The following CIITA variants were observed in gnomAD, a reference collection of about 807,000 sequenced individuals.
The protein encoded by CIITA is class II major histocompatibility complex transactivator.
CIITA carries 72 observed loss-of-function variants against 115.1 expected under a neutral mutation model. The observed-to-expected ratio is 0.63, with a 90% CI of 0.52 to 0.76. The LOEUF (loss-of-function observed/expected upper bound fraction) is 0.76. Among genes scored for constraint, CIITA ranks in the 30% least tolerant of loss-of-function variants. CIITA has a pLI of 0.00. For missense variants in CIITA, 1,617 were observed against 1,463.8 expected, an observed-to-expected ratio of 1.10 and a Z score of -1.71; for synonymous variants, 763 against 635.6, an observed-to-expected ratio of 1.20 and a Z score of -3.02.
chr16:10,917,324 C>T (rs1055770432), intron 15 of CIITA, among the ~76,000 whole-genome samples: 3 of 152,138 alleles, frequency 2.0e-5, no homozygotes, highest in Non-Finnish European at 4.4e-5. Context: ...AGGTGCATGC[C>T]ACCACGTCCC....
At chr16:10,868,733 C>G (rs1319541505) in intron 1 of CIITA, among the ~76,000 whole-genome samples, 1 of 152,204 alleles carries the variant, frequency 6.6e-6, no homozygotes, top group Non-Finnish European at 1.5e-5. Context: ...CTCCCACCCC[C>G]TCTTTCCGAG....
chr16:10,899,384 C>T (rs781606530), intron 5 of CIITA, among the ~76,000 whole-genome samples: 1 of 138,662 alleles, frequency 7.2e-6, no homozygotes, highest in Admixed American at 7.3e-5. Context: ...TGGCTGACTC[C>T]TTTGAATCTT....
chr16:10,873,765 C>G (rs2035639253), upstream of CIITA, among the ~76,000 whole-genome samples: 1 of 152,152 alleles, frequency 6.6e-6, no homozygotes, highest in Non-Finnish European at 1.5e-5. Flanking sequence ...GATGGTTCTG[C>G]TGGGTGCTAG....
rs377196083 is a variant in CIITA, at chr16:10,933,343, G to C, written c.*9488G>C. 6 of 152,318 alleles carry C rather than the reference G, an allele frequency of 3.9e-5. No homozygotes were observed. Among genetic ancestry groups the C allele is most frequent in the Admixed American group, 3.3e-4 (5 of 15,280 alleles). 9.4% of individuals were successfully genotyped at this position (152,318 alleles called of 1,614,324 possible). On this transcript the variant is annotated 3_prime_UTR_variant, in exon 20 of 20. Transcript: ENST00000324288. ...GCTTAAGTAAGAAGATGGCCCTGGC[G>C]TTTTACGCGCACTGGTGGGTGAGGC...
Position 10,907,424 on chromosome 16 carries a change from G to A in CIITA, c.1932G>A (p.Leu644=), listed in dbSNP as rs1290071568. ...CGCTCACGGGACTCTATGTCGGCCT[G>A]CTGGGCCGTGCAGCCCTCGACAGCC... ...PSTLTGLYVG[L]LGRAALDSPP... The change falls in exon 11 of 20, where the codon CTG becomes CTA. Residue 644 remains leucine (L), a synonymous_variant. Transcript: ENST00000324288. The surrounding 1 kb of genome is among the most constrained non-coding windows in gnomAD (Gnocchi z 5.0). 2.5e-6 allele frequency: 4 copies of A among 1,613,160 alleles called. No individual in the cohort carries two copies. Among genetic ancestry groups the A allele is most frequent in the Non-Finnish European group, 3.4e-6 (4 of 1,179,878 alleles).
chr16:10,870,625 C>G (rs1442136374), intron 1 of CIITA, among the ~76,000 whole-genome samples: 1 of 152,258 alleles, frequency 6.6e-6, no homozygotes, highest in African/African-American at 2.4e-5. Context: ...GACAGCTGGA[C>G]AGCTCTGGAT....
chr16:10,867,121 G>A (rs1432020723), intron 1 of CIITA, among the ~76,000 whole-genome samples: 1 of 152,156 alleles, frequency 6.6e-6, no homozygotes, highest in Non-Finnish European at 1.5e-5. Context: ...GTGGGTGCCT[G>A]TAGTCCCAGC....
At chr16:10,894,984 T>C (rs941270152) in intron 1 of CIITA, among the ~76,000 whole-genome samples, 4 of 152,366 alleles carry the variant, frequency 2.6e-5, no homozygotes, top group Non-Finnish European at 5.9e-5. Context: ...TTACCACTCA[T>C]GGCATTGCCA....
chr16:10,909,357 A>G, intron 12 of CIITA, among the ~76,000 whole-genome samples, 170 bp downstream of exon 12: 1 of 152,250 alleles, frequency 6.6e-6, no homozygotes. Context: ...CTCGCTGCCC[A>G]GGCGGAGCCT....
Position 10,926,279 on chromosome 16 carries a change from G to T in CIITA, c.*2424G>T, listed in dbSNP as rs2040527618. ...GAACTGGCTGCAAAGGGTATCAGGTGCTGCCATCCAGGTTCAGCTTGTAAA... is the reference window on the plus strand; with the variant it reads ...GAACTGGCTGCAAAGGGTATCAGGTTCTGCCATCCAGGTTCAGCTTGTAAA... On this transcript the variant is annotated 3_prime_UTR_variant, in exon 20 of 20. Coordinates refer to ENST00000324288, the MANE Select transcript of CIITA (RefSeq NM_000246.4). 6.6e-6 allele frequency: 1 copy of T among 152,256 alleles called. No individual in the cohort carries two copies. Among genetic ancestry groups the T allele is most frequent in the Non-Finnish European group, 1.5e-5 (1 of 68,058 alleles). The allele number at this position is 152,256 out of a possible 1,614,324, so 9.4% of individuals were successfully genotyped here.
In CIITA at chr16:10,928,671, T is replaced by A. The variant is rs1195690540; in HGVS notation, c.*4816T>A. On this transcript the variant is annotated 3_prime_UTR_variant, in exon 20 of 20. Coordinates refer to ENST00000324288, the MANE Select transcript of CIITA (RefSeq NM_000246.4). ...CCCCCACTTCTATGGGATTCAGGCC[T>A]GGTTTCCAGCTTGGCCTTCAGGCTT... 2 of 152,296 alleles carry A rather than the reference T, an allele frequency of 1.3e-5. No individual in the cohort carries two copies. The highest frequency in any genetic ancestry group is 3.9e-4 in the East Asian group (2 of 5,190). 9.4% of individuals were successfully genotyped at this position (152,296 alleles called of 1,614,324 possible).
chr16:10,932,963 C>T lies in CIITA; in HGVS notation c.*9108C>T, dbSNP rs1399731170. On this transcript the variant is annotated 3_prime_UTR_variant, in exon 20 of 20. Coordinates refer to ENST00000324288, the MANE Select transcript of CIITA (RefSeq NM_000246.4). ...TGTGTTGGGCCACAGTCAAAGCCGT[C>T]CTGAGCTGTATGCAGCCTACAGGCC... 6.6e-6 allele frequency: 1 copy of T among 152,176 alleles called. No homozygotes were observed. The allele number at this position is 152,176 out of a possible 1,614,324, so 9.4% of individuals were successfully genotyped here. A position where few individuals can be genotyped will look rare whatever the true frequency, so the allele number is the denominator to read the frequency against.
In CIITA at chr16:10,907,465, C is replaced by G. The variant is rs2229319; in HGVS notation, c.1973C>G (p.Ala658Gly). The G allele has an allele frequency of 1.6e-3, 2,625 of 1,613,500 alleles. 48 individuals carry two copies. The African/African-American group carries it at 0.03, about 19-fold the overall frequency. ...AALDSPPGAL[A>G]ELAKLAWELG... Reference sequence around the variant, plus strand: ...CTCGACAGCCCCCCCGGGGCCCTGGCAGAGCTGGCCAAGCTGGCCTGGGAG... The same window carrying G: ...CTCGACAGCCCCCCCGGGGCCCTGGGAGAGCTGGCCAAGCTGGCCTGGGAG... The change falls in exon 11 of 20, where the codon GCA (alanine) becomes GGA (glycine). Residue 658 changes from alanine to glycine, a missense_variant. Ala to Gly is a moderately conservative substitution (Grantham distance 60). Coordinates refer to ENST00000324288, the MANE Select transcript of CIITA (RefSeq NM_000246.4). This position sits in a 1 kb window ranked among gnomAD's most constrained non-coding sequence, Gnocchi z 5.0.
Position 10,941,645 on chromosome 16 carries a change from G to T in CIITA, n.771G>T. On this transcript the variant is annotated non_coding_transcript_exon_variant, in exon 2 of 2. Transcript: ENST00000573379. This position sits in a 1 kb window ranked among gnomAD's most constrained non-coding sequence, Gnocchi z 6.4. ...ATGGTGCCCCCAACCAGCTGCGGCGGCATGATCTGGGCGGCTGGTCCAGGG... is the reference window on the plus strand; with the variant it reads ...ATGGTGCCCCCAACCAGCTGCGGCGTCATGATCTGGGCGGCTGGTCCAGGG... 2 of 1,530,932 alleles carry T rather than the reference G, an allele frequency of 1.3e-6. No homozygotes were observed. Among genetic ancestry groups the T allele is most frequent in the South Asian group, 2.6e-5 (2 of 77,594 alleles). 94.8% of individuals were successfully genotyped at this position (1,530,932 alleles called of 1,614,324 possible). A position where few individuals can be genotyped will look rare whatever the true frequency, so the allele number is the denominator to read the frequency against.
chr16:10,895,796 A>C, intron 3 of CIITA, 32 bp downstream of exon 3: 1 of 1,604,900 alleles, frequency 6.2e-7, no homozygotes, highest in Non-Finnish European at 8.5e-7. Flanking sequence ...GAAAAGGACA[A>C]TCAAGGGCAA....
chr16:10,938,168 A>C (rs923910094), downstream of CIITA: 3 of 152,178 alleles, frequency 2.0e-5, no homozygotes, highest in African/African-American at 4.8e-5. This position sits in a 1 kb window ranked among gnomAD's most constrained non-coding sequence, Gnocchi z 4.9. Flanking sequence ...TAATCCTCAC[A>C]ACAAGGGAGA....
intron 5 of CIITA, among the ~76,000 whole-genome samples, chr16:10,900,543 C>T (rs1010638138): frequency 1.1e-4 from 16 of 151,870 alleles, no homozygotes; most frequent in Admixed American, 7.9e-4. Context: ...AGTTTGAGAC[C>T]AGCCTGGCCA....
chr16:10,910,131 G>T, intron 12 of CIITA, 57 bp from the exon 13 acceptor site: 1 of 1,495,228 alleles, frequency 6.7e-7, no homozygotes, highest in South Asian at 1.1e-5. Context: ...GGGACCCATG[G>T]GTAAGGGCTC....
Position 10,901,592 on chromosome 16 carries a change from G to C in CIITA, c.481+34G>C. Reference sequence around the variant, plus strand: ...GGCAGGTGGGCTGGGGTTGGGAAGGGTGGATGCCTTGGGGAGGGGATGGAA... The same window carrying C: ...GGCAGGTGGGCTGGGGTTGGGAAGGCTGGATGCCTTGGGGAGGGGATGGAA... On this transcript the variant is annotated intron_variant, in intron 6 of 19. Transcript: ENST00000324288. This position sits in a 1 kb window ranked among gnomAD's most constrained non-coding sequence, Gnocchi z 6.8. 1 of 1,610,226 alleles carries C rather than the reference G, an allele frequency of 6.2e-7. No individual in the cohort carries two copies. The highest frequency in any genetic ancestry group is 8.5e-7 in the Non-Finnish European group (1 of 1,177,448).
Sources: gnomAD v4.1 joint callset for allele counts (sites outside exome capture counted in the v4.1 genomes callset) on GRCh38, gnomAD v4.1.1 for gene constraint, Gnocchi (gnomAD v3.1) non-coding constraint, MANE v1.5 for transcripts, NCBI Gene and HGNC (gene_info 2026-07-23, HGNC 2026-07-21) for gene names.